The following SCARB1 variants were observed in gnomAD, a reference collection of about 807,000 sequenced individuals.
The protein encoded by SCARB1 is CD36 and LIMPII analogous 1.
In SCARB1, 30 loss-of-function variants were observed where a neutral mutation model predicts 57.2. That is an observed-to-expected ratio of 0.52 (90% CI 0.39 to 0.71). SCARB1 has a LOEUF of 0.71. SCARB1 is among the 30% of genes least tolerant of loss of function. The probability of loss-of-function intolerance (pLI) is 0.00; values close to 1 mark genes in which losing one functional copy is unlikely to be tolerated. For synonymous variants in SCARB1, 249 were observed against 268.3 expected (o/e 0.93, Z 0.70); for missense variants, 543 against 671.2 (o/e 0.81, Z 2.11).
intron 1 of SCARB1, among the ~76,000 whole-genome samples, chr12:124,855,755 T>C (rs1952597371): frequency 6.6e-6 from 1 of 152,122 alleles, no homozygotes; most frequent in Non-Finnish European, 1.5e-5. Flanking sequence ...ACTCTCTGGG[T>C]TCAGCCTTGG....
rs145538401 is a variant in SCARB1 at position 124,819,341 on chromosome 12, G to A, written c.127-1634C>T. On this transcript the variant is annotated intron_variant, in intron 1 of 12. Coordinates refer to ENST00000261693, the MANE Select transcript of SCARB1 (RefSeq NM_005505.5). ...CCCTGTGTGGCTGAGTGAGCCAGTC[G>A]GAAGATGAGAACACAGAAGTTTTCC... Among the ~76,000 whole-genome samples, 430 of 152,198 alleles carry A rather than the reference G, an allele frequency of 2.8e-3. 2 individuals carry two copies. The highest frequency in any genetic ancestry group is 0.01 in the African/African-American group (422 of 41,536).
Position 124,800,934 on chromosome 12 carries a change from G to A in SCARB1, c.1010-692C>T, listed in dbSNP as rs989668389. Among the ~76,000 whole-genome samples, 4 of 152,188 alleles carry A rather than the reference G, an allele frequency of 2.6e-5. No homozygotes were observed. The South Asian group carries it at 6.2e-4, about 24-fold the overall frequency. On this transcript the variant is annotated intron_variant, in intron 7 of 12. Coordinates refer to ENST00000261693, the MANE Select transcript of SCARB1 (RefSeq NM_005505.5). The surrounding 1 kb of genome is among the most constrained non-coding windows in gnomAD (Gnocchi z 4.8). ...TCTCAAAAGCTCACGAGGGCCAGGC[G>A]CCATGGCTTACACCTGTAATCCCAA...
At chr12:124,816,668 A>G (rs2135686690) in intron 2 of SCARB1, among the ~76,000 whole-genome samples, 1 of 152,086 alleles carries the variant, frequency 6.6e-6, no homozygotes, top group South Asian at 2.1e-4. Flanking sequence ...TGAACTGGGA[A>G]GTGGGGGTGT....
Position 124,817,583 on chromosome 12 carries a change from G to A in SCARB1, c.251C>T (p.Pro84Leu), listed in dbSNP as rs1341182786. The A allele has an allele frequency of 1.1e-5, 18 of 1,614,022 alleles. No homozygotes were observed. Among genetic ancestry groups the A allele is most frequent in the African/African-American group, 4.0e-5 (3 of 74,910 alleles). ...GTAGGGCCCGCGCTCCCGCACCTGC[G>A]GCTTCTCGCCCTTCAGGATCTCGCT... Reference protein sequence around the residue: ...NPSEILKGEKPQVRERGPYVY... With the variant: ...NPSEILKGEKLQVRERGPYVY... The change falls in exon 2 of 13, where the codon CCG becomes CTG. Residue 84 changes from proline (P) to leucine (L), a missense_variant. Pro to Leu is a moderately conservative substitution (Grantham distance 98). Transcript: ENST00000261693. The surrounding 1 kb of genome is among the most constrained non-coding windows in gnomAD (Gnocchi z 4.8).
Position 124,817,084 on chromosome 12 carries a change from A to G in SCARB1, c.284+466T>C, listed in dbSNP as rs371334722. The stretch of plus-strand genomic sequence containing the variant: ...TGCATGTGTAGGTACATGTGTGTGT[A>G]TGTATGTGTGTGTGTATGTGTATGT... On this transcript the variant is annotated intron_variant, in intron 2 of 12. Transcript: ENST00000261693. This position sits in a 1 kb window ranked among gnomAD's most constrained non-coding sequence, Gnocchi z 4.8. Among the ~76,000 whole-genome samples the G allele has an allele frequency of 2.7e-4, 38 of 138,348 alleles. No individual in the cohort carries two copies. The highest frequency in any genetic ancestry group is 2.0e-3 in the East Asian group (10 of 5,024). 90.8% of individuals were successfully genotyped at this position (138,348 alleles called of 152,430 possible).
At chr12:124,813,112 C>T (rs1416080821) in intron 4 of SCARB1, among the ~76,000 whole-genome samples, 1 of 152,188 alleles carries the variant, frequency 6.6e-6, no homozygotes. Flanking sequence ...AGAGCATCAG[C>T]ACACCCAGCT....
At position 124,777,283 on chromosome 12, in the gene SCARB1, G is replaced by C. The variant is rs1872576525; in HGVS notation, c.*1304C>G. On this transcript the variant is annotated 3_prime_UTR_variant, in exon 13 of 13. Transcript: ENST00000261693. ...AAGCAAAGGCCTAGAACAACACGGG[G>C]CATGTCCTATGGGCACCAGGATTTG... 1 of 152,132 alleles carries C rather than the reference G, an allele frequency of 6.6e-6. No individual in the cohort carries two copies. The highest frequency in any genetic ancestry group is 2.1e-4 in the South Asian group (1 of 4,832). The allele number at this position is 152,132 out of a possible 1,614,324, so 9.4% of individuals were successfully genotyped here. A position where few individuals can be genotyped will look rare whatever the true frequency, so the allele number is the denominator to read the frequency against.
chr12:124,816,821 C>T (rs968721441), intron 2 of SCARB1, among the ~76,000 whole-genome samples: 7 of 152,126 alleles, frequency 4.6e-5, no homozygotes, highest in South Asian at 4.2e-4. Flanking sequence ...AGTCTGCAGA[C>T]GGGCAAACTG....
rs1460291686 is a variant in SCARB1 at position 124,778,592 on chromosome 12, G to A, written c.*1-6C>T. ...CTCACGGTGTCCTCAGGACCCTGTG[G>A]AGAAAGGCAAAGCTGGGTGACCACC... On this transcript the variant is annotated splice_region_variant and splice_polypyrimidine_tract_variant and intron_variant, in intron 12 of 12. Coordinates refer to ENST00000261693, the MANE Select transcript of SCARB1 (RefSeq NM_005505.5). 7.1e-7 allele frequency: 1 copy of A among 1,411,810 alleles called. No individual in the cohort carries two copies. Among genetic ancestry groups the A allele is most frequent in the Non-Finnish European group, 9.2e-7 (1 of 1,086,162 alleles). 87.5% of individuals were successfully genotyped at this position (1,411,810 alleles called of 1,614,324 possible).
chr12:124,856,071 C>T (rs1442928624), intron 1 of SCARB1, among the ~76,000 whole-genome samples: 2 of 152,234 alleles, frequency 1.3e-5, no homozygotes, highest in Non-Finnish European at 2.9e-5. Flanking sequence ...CAGCAAGTAC[C>T]GGCCATTCCG....
At chr12:124,821,785 C>T (rs1426395444) in intron 1 of SCARB1, among the ~76,000 whole-genome samples, 1 of 152,180 alleles carries the variant, frequency 6.6e-6, no homozygotes, top group African/African-American at 2.4e-5. Context: ...AGTGACCCTT[C>T]CTCCTCTGCC....
At chr12:124,837,523 GGA>G (rs1951712100) in intron 1 of SCARB1, among the ~76,000 whole-genome samples, 1 of 94,038 alleles carries the variant, frequency 1.1e-5, no homozygotes, top group Non-Finnish European at 2.0e-5. Context: ...AGAAAAGAAA[GGA>G]AAGAAAAAGA....
rs1175649216 is a variant in SCARB1 at position 124,777,342 on chromosome 12, C to A, written c.*1245G>T. On this transcript the variant is annotated 3_prime_UTR_variant, in exon 13 of 13. Coordinates refer to ENST00000261693, the MANE Select transcript of SCARB1 (RefSeq NM_005505.5). ...TGCACAGAAACACATCCAGGGGGCC[C>A]CATGCAAAAGTGGCAAAAGCGTCTG... 1 of 152,156 alleles carries A rather than the reference C, an allele frequency of 6.6e-6. No individual in the cohort carries two copies. Among genetic ancestry groups the A allele is most frequent in the South Asian group, 2.1e-4 (1 of 4,826 alleles). 9.4% of individuals were successfully genotyped at this position (152,156 alleles called of 1,614,324 possible).
At chr12:124,838,074 C>T (rs969511356) in intron 1 of SCARB1, among the ~76,000 whole-genome samples, 13 of 152,262 alleles carry the variant, frequency 8.5e-5, no homozygotes, top group Admixed American at 3.3e-4. Context: ...AGCATCACAG[C>T]AGCAGGGCTG....
rs1417774277 is a variant in SCARB1 at position 124,814,607 on chromosome 12, ACCCCTTCT to A, written c.427-210_427-203del. ...GCCAAGGCCACATGTGCTCCCGAGA[ACCCCTTCT>A]CCCCCTTGCACCCCACTGGACTCAG... On this transcript the variant is annotated intron_variant, in intron 3 of 12. Transcript: ENST00000261693. This position sits in a 1 kb window ranked among gnomAD's most constrained non-coding sequence, Gnocchi z 4.7. Among the ~76,000 whole-genome samples, 3 of 151,682 alleles carry A rather than the reference ACCCCTTCT, an allele frequency of 2.0e-5. No homozygotes were observed. The highest frequency in any genetic ancestry group is 7.3e-5 in the African/African-American group (3 of 41,236).
chr12:124,824,841 A>G (rs1480452504), intron 1 of SCARB1, among the ~76,000 whole-genome samples: 4 of 152,222 alleles, frequency 2.6e-5, no homozygotes, highest in Non-Finnish European at 5.9e-5. Flanking sequence ...CTCATGAGGG[A>G]ATACGCACCT....
chr12:124,793,258 C>G (rs902777933), intron 9 of SCARB1, among the ~76,000 whole-genome samples: 1 of 152,130 alleles, frequency 6.6e-6, no homozygotes, highest in Non-Finnish European at 1.5e-5. Context: ...TTTAACGAAA[C>G]TATTTCAGAT....
chr12:124,814,811 T>TG lies in SCARB1; in HGVS notation c.426+161dup, dbSNP rs147769295. ...CCCACCTGGGAAACTCAGAACCCAC[T>TG]GGGGGTGGTGGAGACAGCACAGGGC... On this transcript the variant is annotated intron_variant, in intron 3 of 12. Transcript: ENST00000261693. This position sits in a 1 kb window ranked among gnomAD's most constrained non-coding sequence, Gnocchi z 4.7. 1 of 854,626 alleles carries TG rather than the reference T, an allele frequency of 1.2e-6. No homozygotes were observed. Among genetic ancestry groups the TG allele is most frequent in the Non-Finnish European group, 1.9e-6 (1 of 527,480 alleles). 52.9% of individuals were successfully genotyped at this position (854,626 alleles called of 1,614,324 possible). A position where few individuals can be genotyped will look rare whatever the true frequency, so the allele number is the denominator to read the frequency against.
chr12:124,805,557 G>A (rs1279884270), intron 7 of SCARB1, among the ~76,000 whole-genome samples: 2 of 151,848 alleles, frequency 1.3e-5, no homozygotes, highest in East Asian at 1.9e-4. Flanking sequence ...TTAAGAGGAC[G>A]GCGGCCATCT....
Sources: gnomAD v4.1 joint callset for allele counts (sites outside exome capture counted in the v4.1 genomes callset) on GRCh38, gnomAD v4.1.1 for gene constraint, Gnocchi (gnomAD v3.1) non-coding constraint, MANE v1.5 for transcripts, NCBI Gene and HGNC (gene_info 2026-07-23, HGNC 2026-07-21) for gene names.